SYN2: variants seen among roughly 807,000 people sequenced by gnomAD.
SYN2 encodes the protein synapsin-2.
Under a neutral mutation model 50.9 loss-of-function variants are expected in SYN2, and 19 were observed. That is an observed-to-expected ratio of 0.37 (90% CI 0.26 to 0.55). The LOEUF (loss-of-function observed/expected upper bound fraction) is 0.55. Among genes scored for constraint, SYN2 ranks in the 20% least tolerant of loss-of-function variants. SYN2 has a pLI of 0.81. For missense variants in SYN2, 587 were observed against 576.4 expected (o/e 1.02, Z -0.19); for synonymous variants, 255 against 224.9 (o/e 1.13, Z -1.20).
At chr3:12,022,494 G>T (rs982365965) in intron 1 of SYN2, among the ~76,000 whole-genome samples, 1 of 152,002 alleles carries the variant, frequency 6.6e-6, no homozygotes, top group Non-Finnish European at 1.5e-5. Flanking sequence ...TGCAACCTTT[G>T]CCTCTCGGAT....
At chr3:12,120,288 T>C (rs1358451815) in intron 1 of SYN2, among the ~76,000 whole-genome samples, 1 of 151,598 alleles carries the variant, frequency 6.6e-6, no homozygotes, top group Non-Finnish European at 1.5e-5. Context: ...TAACCACAGT[T>C]TTTTTTTTAG....
At chr3:12,035,241 G>T (rs1458009821) in intron 1 of SYN2, among the ~76,000 whole-genome samples, 1 of 152,186 alleles carries the variant, frequency 6.6e-6, no homozygotes, top group African/African-American at 2.4e-5. Context: ...GGGCCCACAA[G>T]GCCTCAAGCA....
chr3:12,048,121 A>C (rs1183706617), intron 1 of SYN2, among the ~76,000 whole-genome samples: 3 of 152,166 alleles, frequency 2.0e-5, no homozygotes, highest in African/African-American at 7.2e-5. Context: ...CCTTTTTAAG[A>C]TGAGACAATT....
intron 1 of SYN2, among the ~76,000 whole-genome samples, chr3:12,075,100 T>G (rs192583938): frequency 7.9e-4 from 121 of 152,238 alleles, no homozygotes; most frequent in African/African-American, 2.8e-3. Context: ...TCTATTCTCC[T>G]TACAACAATG....
rs1409767690 is a variant in SYN2, at chr3:12,111,049, G to A, written c.378-29602G>A. ...ACATGAGGTTTGGGAGGAGCCAGGG[G>A]TGGAATGATATGGTTTGGCTGTGTC... On this transcript the variant is annotated intron_variant, in intron 1 of 12. Transcript: ENST00000621198. Among the ~76,000 whole-genome samples, 6 of 152,294 alleles carry A rather than the reference G, an allele frequency of 3.9e-5. No homozygotes were observed. In the South Asian group the frequency reaches 1.0e-3, roughly 26 times the overall value.
In SYN2 at chr3:12,187,425, C is replaced by T. The variant is rs372305463; in HGVS notation, c.1426C>T (p.Arg476Trp). ...CCCAGGCAAGGTGCTGCCTCCACGC[C>T]GGCTCCCCCCTGGACCATCACTGCC... ...QPPGKVLPPR[R>W]LPPGPSLPPS... is the part of the protein sequence containing the mutation. Residue 476 changes from arginine (R) to tryptophan (W), a missense_variant, in exon 12 of 13, where the codon CGG (arginine) becomes TGG (tryptophan). Transcript: ENST00000621198. 1.1e-4 allele frequency: 165 copies of T among 1,552,120 alleles called. No individual in the cohort carries two copies. The highest frequency in any genetic ancestry group is 1.3e-4 in the Non-Finnish European group (149 of 1,147,004).
chr3:12,165,233 C>T (rs1228919812), intron 7 of SYN2: 5 of 152,216 alleles, frequency 3.3e-5, no homozygotes, highest in African/African-American at 1.2e-4. Flanking sequence ...GATCCACCTG[C>T]CTTGGCCTCC....
intron 1 of SYN2, among the ~76,000 whole-genome samples, chr3:12,088,959 A>C (rs767111645): frequency 6.6e-6 from 1 of 152,208 alleles, no homozygotes; most frequent in African/African-American, 2.4e-5. Context: ...GATCTATTGC[A>C]TAGCATGGTG....
At position 12,190,727 on chromosome 3, in the gene SYN2, G is replaced by A; in HGVS notation, c.*102G>A. 3.3e-6 allele frequency: 5 copies of A among 1,515,418 alleles called. No individual in the cohort carries two copies. The highest frequency in any genetic ancestry group is 2.7e-5 in the South Asian group (2 of 74,694). 93.9% of individuals were successfully genotyped at this position (1,515,418 alleles called of 1,614,324 possible). On this transcript the variant is annotated 3_prime_UTR_variant, in exon 13 of 13. Transcript: ENST00000621198. ...GGTGGTTATGTCCCATGACCTTGACGTGTGTGGTCCCTTCCTCTGCTCTGT... is the reference window on the plus strand; with the variant it reads ...GGTGGTTATGTCCCATGACCTTGACATGTGTGGTCCCTTCCTCTGCTCTGT...
rs1425771762 is a variant in SYN2, at chr3:12,157,430, A to G, written c.775-4116A>G. 3 of 1,614,066 alleles carry G rather than the reference A, an allele frequency of 1.9e-6. No individual in the cohort carries two copies. In the African/African-American group the frequency reaches 4.0e-5, roughly 22 times the overall value. On this transcript the variant is annotated intron_variant, in intron 5 of 12. Coordinates refer to ENST00000621198, the MANE Select transcript of SYN2 (RefSeq NM_133625.6). Reference sequence around the variant, plus strand: ...ACCGGAGCATTTTTTCAGTGTCAGCAGGGTCTGCACTGGCCGGAACTACCT... The same window carrying G: ...ACCGGAGCATTTTTTCAGTGTCAGCGGGGTCTGCACTGGCCGGAACTACCT...
At chr3:12,020,630 T>C (rs1328625506) in intron 1 of SYN2, among the ~76,000 whole-genome samples, 1 of 152,194 alleles carries the variant, frequency 6.6e-6, no homozygotes. Context: ...AGTGCTGATT[T>C]AGTTTTTCCC....
intron 10 of SYN2, among the ~76,000 whole-genome samples, chr3:12,174,913 C>G (rs1045807954): frequency 5.3e-5 from 8 of 152,144 alleles, no homozygotes; most frequent in Middle Eastern, 3.2e-3. Flanking sequence ...TGAGATTATT[C>G]TTGTCTATTT....
In SYN2 at chr3:12,004,606, C is replaced by T. The variant is rs1311860891; in HGVS notation, c.55C>T (p.Pro19Ser). ...GGACAGCAGCTTCATCGCCAACCTG[C>T]CCAACGGCTACATGACCGACCTGCA... is the stretch of plus-strand genomic sequence containing the variant. ...LSDSSFIANL[P>S]NGYMTDLQRP... Residue 19 changes from proline (P) to serine (S), a missense_variant, in exon 1 of 13, where the codon CCC becomes TCC. Physicochemically the swap from Pro to Ser is moderately conservative, Grantham distance 74. Transcript: ENST00000621198. The T allele has an allele frequency of 3.0e-6, 2 of 658,688 alleles. No individual in the cohort carries two copies. Among genetic ancestry groups the T allele is most frequent in the East Asian group, 3.2e-5 (1 of 31,460 alleles). The allele number at this position is 658,688 out of a possible 1,614,324, so 40.8% of individuals were successfully genotyped here. A position where few individuals can be genotyped will look rare whatever the true frequency, so the allele number is the denominator to read the frequency against.
At chr3:12,084,411 G>T (rs1207963685) in intron 1 of SYN2, among the ~76,000 whole-genome samples, 3 of 152,048 alleles carry the variant, frequency 2.0e-5, no homozygotes, top group Non-Finnish European at 4.4e-5. Context: ...AATCTAGAAG[G>T]AATATTATGC....
At chr3:12,059,092 GA>G (rs1165397902) in intron 1 of SYN2, among the ~76,000 whole-genome samples, 4 of 152,326 alleles carry the variant, frequency 2.6e-5, no homozygotes, top group African/African-American at 7.2e-5. Flanking sequence ...AGTAAGACCA[GA>G]TATCCACACC....
rs151263207 is a variant in SYN2, at chr3:12,100,729, T to C, written c.378-39922T>C. Among the ~76,000 whole-genome samples, 1,118 of 152,218 alleles carry C rather than the reference T, an allele frequency of 7.3e-3. 11 individuals carry two copies. Among genetic ancestry groups the C allele is most frequent in the African/African-American group, 0.026 (1,065 of 41,532 alleles). On this transcript the variant is annotated intron_variant, in intron 1 of 12. Coordinates refer to ENST00000621198, the MANE Select transcript of SYN2 (RefSeq NM_133625.6). ...ATTTGCAAATCATATATCTGATATA[T>C]GTAAATAGTAGACAGAATATATAAA...
rs148289690 is a variant in SYN2 at position 12,172,291 on chromosome 3, T to C, written c.1308+2385T>C. Among the ~76,000 whole-genome samples, 4 of 152,328 alleles carry C rather than the reference T, an allele frequency of 2.6e-5. No homozygotes were observed. In the East Asian group the frequency reaches 7.7e-4, roughly 29 times the overall value. ...TCTAAGGCCACATAATACCTGGAGTTAGCCAAACTGCAAAGTCTGAAAGCA... is the reference window on the plus strand; with the variant it reads ...TCTAAGGCCACATAATACCTGGAGTCAGCCAAACTGCAAAGTCTGAAAGCA... On this transcript the variant is annotated intron_variant, in intron 10 of 12. Transcript: ENST00000621198.
intron 1 of SYN2, among the ~76,000 whole-genome samples, chr3:12,097,498 C>T (rs1384629137): frequency 5.1e-5 from 7 of 136,090 alleles, no homozygotes; most frequent in South Asian, 2.4e-4. Context: ...CCTAGCTACT[C>T]GGGAGGCTGA....
chr3:12,052,239 G>A (rs1209519226), intron 1 of SYN2, among the ~76,000 whole-genome samples: 1 of 152,038 alleles, frequency 6.6e-6, no homozygotes, highest in Non-Finnish European at 1.5e-5. Context: ...AGATTTTGCA[G>A]AAGAGAAACT....
Sources: allele counts gnomAD v4.1 joint callset (sites outside exome capture counted in the v4.1 genomes callset), GRCh38; gene constraint gnomAD v4.1.1; transcripts MANE v1.5; gene names NCBI Gene and HGNC (gene_info 2026-07-23, HGNC 2026-07-21).